The following KCTD8 variants were observed in gnomAD, a reference collection of about 807,000 sequenced individuals.
KCTD8 encodes BTB/POZ domain-containing protein KCTD8.
In KCTD8, 27 loss-of-function variants were observed where a neutral mutation model predicts 31.5. The observed-to-expected ratio is 0.86, with a 90% CI of 0.63 to 1.18. The LOEUF (loss-of-function observed/expected upper bound fraction) is 1.18, where lower values mean the gene tolerates loss of function less well. KCTD8 is among the 50% of genes most tolerant of loss of function. The pLI is 0.00. For synonymous variants in KCTD8, 290 were observed against 280.0 expected (o/e 1.04, Z -0.36); for missense variants, 658 against 647.7 (o/e 1.02, Z -0.17).
intron 1 of KCTD8, among the ~76,000 whole-genome samples, chr4:44,356,858 G>A (rs1313915385): frequency 6.6e-6 from 1 of 152,084 alleles, no homozygotes; most frequent in Non-Finnish European, 1.5e-5. Flanking sequence ...TGCTGTCCAC[G>A]GAACTTGGAG....
intron 1 of KCTD8, chr4:44,293,624 T>C: frequency 2.9e-6 from 1 of 345,534 alleles, no homozygotes; most frequent in East Asian, 7.6e-5. Context: ...TTTAATTTTT[T>C]TTTTCTAGGA....
At chr4:44,302,627 A>C (rs1018659951) in intron 1 of KCTD8, among the ~76,000 whole-genome samples, 4 of 151,912 alleles carry the variant, frequency 2.6e-5, no homozygotes, top group African/African-American at 4.8e-5. Context: ...GGCTGAGACA[A>C]TGGGGTTTTC....
intron 1 of KCTD8, among the ~76,000 whole-genome samples, chr4:44,210,833 A>G (rs754011766): frequency 1.3e-5 from 2 of 152,168 alleles, no homozygotes; most frequent in South Asian, 2.1e-4. Flanking sequence ...GCTTCAAGCT[A>G]TAAGAGAGAA....
At chr4:44,403,254 GTGTATATATCTA>G (rs1026840088) in intron 1 of KCTD8, among the ~76,000 whole-genome samples, 7 of 151,976 alleles carry the variant, frequency 4.6e-5, no homozygotes, top group Admixed American at 4.6e-4. Context: ...ACTGTAAAAA[GTGTATATATCTA>G]TGTATAAAAT....
intron 1 of KCTD8, among the ~76,000 whole-genome samples, chr4:44,211,217 CCAA>C (rs1469855684): frequency 6.6e-6 from 1 of 152,140 alleles, no homozygotes; most frequent in Admixed American, 6.5e-5. Flanking sequence ...GGTTATCACA[CCAA>C]CAAGTGTAAG....
chr4:44,281,677 A>T (rs997781741), intron 1 of KCTD8, among the ~76,000 whole-genome samples: 58 of 152,108 alleles, frequency 3.8e-4, no homozygotes, highest in African/African-American at 1.4e-3. Context: ...TCCTAGTAGA[A>T]ATTAGTCTTG....
At chr4:44,368,282 C>G (rs1719693939) in intron 1 of KCTD8, among the ~76,000 whole-genome samples, 1 of 152,094 alleles carries the variant, frequency 6.6e-6, no homozygotes, top group Non-Finnish European at 1.5e-5. Context: ...GAGTCTGAGG[C>G]AGGAGAATTG....
intron 1 of KCTD8, among the ~76,000 whole-genome samples, chr4:44,430,471 A>G (rs1721477310): frequency 6.6e-6 from 1 of 151,742 alleles, no homozygotes; most frequent in South Asian, 2.1e-4. Context: ...GTTATGGCCC[A>G]TGAAATTCTG....
rs532658316 is a variant in KCTD8, at chr4:44,205,928, T to C, written c.962-30678A>G. 1.1e-3 allele frequency among the ~76,000 whole-genome samples: 161 copies of C among 152,158 alleles called. 1 individual carries two copies. The highest frequency in any genetic ancestry group is 1.6e-3 in the Non-Finnish European group (111 of 67,988). On this transcript the variant is annotated intron_variant, in intron 1 of 1. Transcript: ENST00000360029. ...GCTGTCCCCTCTAAAGCTAATGGCA[T>C]AGAGGAGAAAAGCAAAATCCTTTTT...
intron 1 of KCTD8, among the ~76,000 whole-genome samples, chr4:44,402,979 G>T (rs769804796): frequency 7.9e-5 from 12 of 152,184 alleles, no homozygotes; most frequent in Non-Finnish European, 1.3e-4. Context: ...CCAGAACTAG[G>T]AGCATGTGAT....
intron 1 of KCTD8, among the ~76,000 whole-genome samples, chr4:44,336,119 C>T (rs1418112894): frequency 2.4e-5 from 3 of 126,208 alleles, no homozygotes; most frequent in African/African-American, 9.2e-5. Context: ...CACTGCACTC[C>T]AGCCTGGGCG....
In KCTD8 at chr4:44,370,928, A is replaced by C. The variant is rs537683863; in HGVS notation, c.961+76635T>G. On this transcript the variant is annotated intron_variant, in intron 1 of 1. Coordinates refer to ENST00000360029, the MANE Select transcript of KCTD8 (RefSeq NM_198353.3). ...AAGATACTGTAAACTGATACATAGA[A>C]AGAGATTTATTGTGAAGAATTGGCT... Among the ~76,000 whole-genome samples the C allele has an allele frequency of 3.3e-3, 505 of 152,280 alleles. 1 individual carries two copies. Among genetic ancestry groups the C allele is most frequent in the Non-Finnish European group, 5.9e-3 (403 of 68,034 alleles).
At chr4:44,261,035 GT>G (rs997553029) in intron 1 of KCTD8, among the ~76,000 whole-genome samples, 1 of 151,986 alleles carries the variant, frequency 6.6e-6, no homozygotes, top group Admixed American at 6.6e-5. Flanking sequence ...GGTCTTCGTG[GT>G]GGGGATTAGA....
intron 1 of KCTD8, among the ~76,000 whole-genome samples, chr4:44,349,284 A>G (rs1451974690): frequency 2.0e-5 from 3 of 152,194 alleles, no homozygotes; most frequent in East Asian, 1.9e-4. Context: ...GAAAGCCTTC[A>G]GAATATGATG....
chr4:44,381,567 A>G (rs562564794), intron 1 of KCTD8, among the ~76,000 whole-genome samples: 1 of 152,198 alleles, frequency 6.6e-6, no homozygotes, highest in East Asian at 1.9e-4. Context: ...AAAAAGAGAC[A>G]ATTATATTGT....
At chr4:44,310,644 C>G (rs1002731212) in intron 1 of KCTD8, among the ~76,000 whole-genome samples, 6 of 151,940 alleles carry the variant, frequency 3.9e-5, no homozygotes, top group Non-Finnish European at 8.8e-5. Context: ...ACTACAAGAA[C>G]CAATGATCAG....
intron 1 of KCTD8, among the ~76,000 whole-genome samples, chr4:44,316,643 T>C (rs988773658): frequency 2.0e-5 from 3 of 151,382 alleles, no homozygotes; most frequent in Non-Finnish European, 4.4e-5. Context: ...TTCTTATAGT[T>C]TGAATAGATA....
intron 1 of KCTD8, among the ~76,000 whole-genome samples, chr4:44,203,871 C>A (rs1197156950): frequency 6.6e-6 from 1 of 150,406 alleles, no homozygotes; most frequent in African/African-American, 2.4e-5. Context: ...AAATCAGGCT[C>A]CACAAAAAAT....
At chr4:44,305,147 C>G (rs1227055375) in intron 1 of KCTD8, among the ~76,000 whole-genome samples, 2 of 151,332 alleles carry the variant, frequency 1.3e-5, no homozygotes, top group African/African-American at 4.9e-5. Flanking sequence ...AATAAAAGAA[C>G]AGAATTCAGT....
Sources: allele counts gnomAD v4.1 joint callset (sites outside exome capture counted in the v4.1 genomes callset), GRCh38; gene constraint gnomAD v4.1.1; transcripts MANE v1.5; gene names NCBI Gene and HGNC (gene_info 2026-07-23, HGNC 2026-07-21).